The following RBBP8 variants were observed in gnomAD, a reference collection of about 807,000 sequenced individuals.
RBBP8 encodes the protein RB binding protein 8, endonuclease.
RBBP8 carries 88 observed loss-of-function variants against 108.3 expected under a neutral mutation model. The observed-to-expected ratio is 0.81, with a 90% CI of 0.68 to 0.97. The LOEUF is 0.97. RBBP8 is among the 50% of genes least tolerant of loss of function. The pLI is 0.00. For missense variants in RBBP8, 1,023 were observed against 1,049.0 expected (o/e 0.98, Z 0.34); for synonymous variants, 332 against 348.2 (o/e 0.95, Z 0.52).
chr18:22,927,199 C>T (rs1204004669), intron 3 of RBBP8, among the ~76,000 whole-genome samples: 2 of 152,094 alleles, frequency 1.3e-5, no homozygotes, highest in African/African-American at 4.8e-5. Context: ...AACAATTCAC[C>T]CCAGTTTACC....
intron 4 of RBBP8, among the ~76,000 whole-genome samples, chr18:22,965,031 T>A (rs1473845731): frequency 1.3e-5 from 2 of 152,086 alleles, no homozygotes; most frequent in African/African-American, 4.8e-5. Context: ...GGGGGAAAAA[T>A]TAGCTTGCTT....
rs369809466 is a variant in RBBP8 at position 23,016,823 on chromosome 18, C to A, written c.2358-5C>A. 1.2e-6 allele frequency: 2 copies of A among 1,600,334 alleles called. No individual in the cohort carries two copies. The highest frequency in any genetic ancestry group is 2.7e-5 in the African/African-American group (2 of 74,538). ...CTTTGTTAATTTAATTCATTTTTCC[C>A]CCAGAGAGACTAGCTTGCAAAATTT... is the stretch of plus-strand genomic sequence containing the variant. On this transcript the variant is annotated splice_polypyrimidine_tract_variant and splice_region_variant and intron_variant, in intron 16 of 18. Transcript: ENST00000327155.
intron 16 of RBBP8, among the ~76,000 whole-genome samples, chr18:23,015,103 G>T (rs1356482829): frequency 6.6e-6 from 1 of 151,994 alleles, no homozygotes; most frequent in African/African-American, 2.4e-5. Flanking sequence ...TGTTGCCCAG[G>T]CTGGTCTCAA....
At chr18:22,974,791 TAGAG>T (rs1320564571) in intron 5 of RBBP8, among the ~76,000 whole-genome samples, 1 of 152,156 alleles carries the variant, frequency 6.6e-6, no homozygotes, top group Non-Finnish European at 1.5e-5. Flanking sequence ...AATTTCAAGA[TAGAG>T]ACTCTTGCTA....
Position 22,997,659 on chromosome 18 carries a change from A to T in RBBP8, c.2068A>T (p.Met690Leu), listed in dbSNP as rs776591880. 6.2e-7 allele frequency: 1 copy of T among 1,610,604 alleles called. No homozygotes were observed. Among genetic ancestry groups the T allele is most frequent in the South Asian group, 1.1e-5 (1 of 90,506 alleles). Residue 690 changes from methionine to leucine, a missense_variant, in exon 14 of 19, where the codon ATG becomes TTG. Coordinates refer to ENST00000327155, the MANE Select transcript of RBBP8 (RefSeq NM_002894.3). ...QSKLGGETVD[M>L]DCTLVSETVL... ...AAAATTAGGAGGAGAGACAGTGGAC[A>T]TGGACTGTACATTGGTTAGTGAAAC...
At chr18:22,919,699 A>G (rs572657266) in intron 3 of RBBP8, among the ~76,000 whole-genome samples, 272 of 152,142 alleles carry the variant, frequency 1.8e-3, no homozygotes, top group Non-Finnish European at 3.5e-3. Flanking sequence ...TTACAGGGAC[A>G]TGCCACCACA....
At chr18:23,021,222 C>T (rs1204979863) in intron 17 of RBBP8, among the ~76,000 whole-genome samples, 2 of 152,070 alleles carry the variant, frequency 1.3e-5, no homozygotes, top group African/African-American at 4.8e-5. Context: ...CCAGCCTGGC[C>T]AACATATAGT....
At chr18:22,973,325 A>G (rs962613581) in intron 5 of RBBP8, among the ~76,000 whole-genome samples, 16 of 152,166 alleles carry the variant, frequency 1.1e-4, no homozygotes, top group Non-Finnish European at 1.5e-5. Context: ...TGGCTTTTTA[A>G]TACTGCAGTA....
chr18:22,995,833 A>G (rs76112359), intron 12 of RBBP8, among the ~76,000 whole-genome samples: 6,970 of 152,284 alleles, frequency 0.046, 313 homozygotes, highest in African/African-American at 0.11. Context: ...GCTATTATGA[A>G]CAATGCTGCT....
In RBBP8 at chr18:22,997,628, T is replaced by C; in HGVS notation, c.2037T>C (p.Ser679=). ...DVTVIDTKDG[S]QSKLGGETVD... is the part of the protein sequence containing the mutation. ...TTAAAATATTTATTTAGGATGGCAG[T>C]CAGTCAAAATTAGGAGGAGAGACAG... The change falls in exon 14 of 19, where the codon AGT becomes AGC. Residue 679 remains serine (S), a synonymous_variant. Coordinates refer to ENST00000327155, the MANE Select transcript of RBBP8 (RefSeq NM_002894.3). The C allele has an allele frequency of 6.3e-7, 1 of 1,592,556 alleles. No homozygotes were observed. The highest frequency in any genetic ancestry group is 8.6e-7 in the Non-Finnish European group (1 of 1,164,002).
intron 5 of RBBP8, among the ~76,000 whole-genome samples, chr18:22,972,502 C>T (rs13380928): frequency 0.017 from 2,491 of 148,266 alleles, 78 homozygotes; most frequent in African/African-American, 0.058. Context: ...CAACCTCTGT[C>T]TCCTGGGTTC....
Position 22,985,259 on chromosome 18 carries a change from T to C in RBBP8, c.709+269T>C, listed in dbSNP as rs112596168. ...TATTTGTTCAACAAATATTGAAGCA[T>C]CTGTTGTATACCAGGCACTGAATAA... is the stretch of plus-strand genomic sequence containing the variant. On this transcript the variant is annotated intron_variant, in intron 8 of 18. Transcript: ENST00000327155. Among the ~76,000 whole-genome samples, 2,562 of 152,282 alleles carry C rather than the reference T, an allele frequency of 0.017. 78 individuals carry two copies. The highest frequency in any genetic ancestry group is 0.058 in the African/African-American group (2,425 of 41,534).
chr18:22,922,972 T>C (rs1909656251), intron 3 of RBBP8, among the ~76,000 whole-genome samples: 1 of 152,196 alleles, frequency 6.6e-6, no homozygotes, highest in Non-Finnish European at 1.5e-5. Flanking sequence ...CATTTAACAA[T>C]ATAGTGTAAT....
At chr18:22,946,341 C>G in intron 2 of RBBP8, 103 bp from the exon 3 acceptor site, 3 of 1,504,908 alleles carry the variant, frequency 2.0e-6, no homozygotes, top group Non-Finnish European at 2.7e-6. Flanking sequence ...CTAATGAGAC[C>G]TGGTTTATTA....
intron 3 of RBBP8, among the ~76,000 whole-genome samples, chr18:22,923,627 T>A (rs1192169442): frequency 6.6e-6 from 1 of 152,210 alleles, no homozygotes; most frequent in African/African-American, 2.4e-5. Flanking sequence ...CAGAATTTAA[T>A]CTCTCATCCT....
Position 22,993,212 on chromosome 18 carries a change from A to C in RBBP8, c.1385A>C (p.Gln462Pro). Residue 462 changes from glutamine to proline, a missense_variant, in exon 11 of 19, where the codon CAA (glutamine) becomes CCA (proline). By Grantham distance (76) the Gln-to-Pro change is moderately conservative. Coordinates refer to ENST00000327155, the MANE Select transcript of RBBP8 (RefSeq NM_002894.3). The stretch of plus-strand genomic sequence containing the variant: ...AGTGAACATGAAGTAAGCTGCCCCC[A>C]AGCTTCTTTTGATAAAGAAAATGCT... ...EESEHEVSCP[Q>P]ASFDKENAFP... is the part of the protein sequence containing the mutation. 6.2e-7 allele frequency: 1 copy of C among 1,614,184 alleles called. No individual in the cohort carries two copies. The highest frequency in any genetic ancestry group is 1.1e-5 in the South Asian group (1 of 91,082).
intron 1 of RBBP8, chr18:22,933,851 G>A (rs1598629067): frequency 6.6e-6 from 1 of 152,344 alleles, no homozygotes; most frequent in Non-Finnish European, 1.5e-5. Context: ...TCGCGCGCGC[G>A]CTTCGGAGGT....
chr18:22,940,181 T>C (rs1038381015), intron 2 of RBBP8, among the ~76,000 whole-genome samples: 1 of 151,974 alleles, frequency 6.6e-6, no homozygotes, highest in East Asian at 1.9e-4. Context: ...CTGCAAAAAA[T>C]GTTGGGATTT....
At chr18:22,915,784 T>C (rs1001305136) in intron 2 of RBBP8, among the ~76,000 whole-genome samples, 1 of 152,078 alleles carries the variant, frequency 6.6e-6, no homozygotes, top group African/African-American at 2.4e-5. Flanking sequence ...TAAAGATAAA[T>C]TTAATTTGGG....
Sources: allele counts gnomAD v4.1 joint callset (sites outside exome capture counted in the v4.1 genomes callset), GRCh38; gene constraint gnomAD v4.1.1; transcripts MANE v1.5; gene names NCBI Gene and HGNC (gene_info 2026-07-23, HGNC 2026-07-21).